The following LAMB4 variants were observed in gnomAD, a reference collection of about 807,000 sequenced individuals.
LAMB4 encodes the protein laminin subunit beta-4.
LAMB4 carries 196 observed loss-of-function variants against 199.2 expected under a neutral mutation model. The ratio of observed to expected loss-of-function variants is 0.98; its 90% CI spans 0.88 to 1.11. The LOEUF (loss-of-function observed/expected upper bound fraction) is 1.11, where lower values mean the gene tolerates loss of function less well. Among genes scored for constraint, LAMB4 ranks in the 50% least tolerant of loss-of-function variants. The pLI, the probability that LAMB4 is intolerant of heterozygous loss-of-function variation, is 0.00. For synonymous variants in LAMB4, 744 were observed against 770.6 expected (o/e 0.97, Z 0.57); for missense variants, 2,080 against 2,171.2 (o/e 0.96, Z 0.83).
chr7:108,029,876 T>G (rs1453846750), intron 32 of LAMB4, among the ~76,000 whole-genome samples: 1 of 152,116 alleles, frequency 6.6e-6, no homozygotes, highest in East Asian at 1.9e-4. Context: ...TCCCAGCACT[T>G]TAGGAGGCCG....
intron 29 of LAMB4, among the ~76,000 whole-genome samples, chr7:108,042,423 AG>A (rs2035450289): frequency 6.6e-6 from 1 of 151,630 alleles, no homozygotes; most frequent in African/African-American, 2.4e-5. Flanking sequence ...CTAGATAGAA[AG>A]GAGGTCATGT....
At chr7:108,100,163 A>G (rs2037767292) in intron 10 of LAMB4, among the ~76,000 whole-genome samples, 1 of 152,214 alleles carries the variant, frequency 6.6e-6, no homozygotes, top group African/African-American at 2.4e-5. Context: ...GTTCTTTGAA[A>G]TAGCCTTATG....
chr7:108,040,786 A>C (rs1435737278), intron 29 of LAMB4, among the ~76,000 whole-genome samples: 1 of 152,216 alleles, frequency 6.6e-6, no homozygotes, highest in Non-Finnish European at 1.5e-5. Context: ...CTAAAATGTA[A>C]AACCCAAAAG....
At chr7:108,025,408 TCTTTC>T (rs1471875109) in intron 33 of LAMB4, among the ~76,000 whole-genome samples, 1 of 128,282 alleles carries the variant, frequency 7.8e-6, no homozygotes, top group Non-Finnish European at 1.5e-5. Context: ...TTTCTTTCTT[TCTTTC>T]TTTCTTCTTT....
At chr7:108,020,252 T>A (rs903920779), downstream of LAMB4, among the ~76,000 whole-genome samples, 29 of 151,978 alleles carry the variant, frequency 1.9e-4, no homozygotes, top group African/African-American at 6.5e-4. Context: ...GGTGGGCAGA[T>A]CACAAGGTCA....
At chr7:108,096,974 T>A (rs909805717) in intron 11 of LAMB4, among the ~76,000 whole-genome samples, 3 of 131,514 alleles carry the variant, frequency 2.3e-5, no homozygotes, top group Non-Finnish European at 3.2e-5. Flanking sequence ...AAAAAAAAAT[T>A]TAAAGCTGGT....
At chr7:108,123,920 T>C (rs1338322951) in intron 1 of LAMB4, among the ~76,000 whole-genome samples, 1 of 152,166 alleles carries the variant, frequency 6.6e-6, no homozygotes, top group Non-Finnish European at 1.5e-5. Flanking sequence ...CTTCCCTCCA[T>C]CCCCAAGTTA....
At chr7:108,058,091 A>G (rs947312316) in intron 23 of LAMB4, among the ~76,000 whole-genome samples, 163 bp from the exon 24 acceptor site, 1 of 152,240 alleles carries the variant, frequency 6.6e-6, no homozygotes, top group Non-Finnish European at 1.5e-5. Context: ...GACAATACCA[A>G]GGATCAGGAG....
chr7:108,037,422 C>G lies in LAMB4; in HGVS notation c.4645G>C (p.Ala1549Pro). The G allele has an allele frequency of 6.2e-7, 1 of 1,614,174 alleles. No homozygotes were observed. The highest frequency in any genetic ancestry group is 1.7e-5 in the Admixed American group (1 of 60,014). The change falls in exon 30 of 34, where the codon GCC becomes CCC. Residue 1549 changes from alanine (A) to proline (P), a missense_variant. By Grantham distance (27) the Ala-to-Pro change is conservative. Transcript: ENST00000388781. Reference sequence around the variant, plus strand: ...TTGGCCTTCACCAAAAGCTTTTGGGCTCCATCTGCTTCTTCATTTAACCTG... The same window carrying G: ...TTGGCCTTCACCAAAAGCTTTTGGGGTCCATCTGCTTCTTCATTTAACCTG... ...ENRLNEEADG[A>P]QKLLVKAKAA...
chr7:108,104,118 G>T (rs143458113), intron 9 of LAMB4, among the ~76,000 whole-genome samples: 2 of 152,170 alleles, frequency 1.3e-5, no homozygotes, highest in African/African-American at 2.4e-5. Flanking sequence ...TGGGTTTAAG[G>T]TCACGTTCAT....
At chr7:108,106,635 T>TG in intron 6 of LAMB4, 63 bp from the exon 7 acceptor site, 2 of 929,926 alleles carry the variant, frequency 2.2e-6, no homozygotes, top group Non-Finnish European at 3.3e-6. Context: ...TCAAACACAC[T>TG]CTTTTTTTTT....
chr7:108,045,879 T>A (rs987687491), intron 28 of LAMB4, among the ~76,000 whole-genome samples: 1 of 152,116 alleles, frequency 6.6e-6, no homozygotes, highest in Non-Finnish European at 1.5e-5. Flanking sequence ...TATGTAGGGA[T>A]ATGTTCCAGA....
chr7:108,049,950 A>C lies in LAMB4; in HGVS notation c.3917-419T>G, dbSNP rs118135847. 1.9e-4 allele frequency among the ~76,000 whole-genome samples: 29 copies of C among 152,366 alleles called. No individual in the cohort carries two copies. The East Asian group carries it at 5.6e-3, about 29-fold the overall frequency. On this transcript the variant is annotated intron_variant, in intron 26 of 33. Coordinates refer to ENST00000388781, the MANE Select transcript of LAMB4 (RefSeq NM_007356.3). The stretch of plus-strand genomic sequence containing the variant: ...ACTATGAATACCTATATACACTCAA[A>C]TATAATAAACCAACTAAATTTACTT...
At position 108,024,059 on chromosome 7, in the gene LAMB4, A is replaced by AT. The variant is rs568834649; in HGVS notation, c.5265dup (p.Tyr1756IlefsTer3). 1.1e-5 allele frequency: 17 copies of AT among 1,607,446 alleles called. No individual in the cohort carries two copies. The highest frequency in any genetic ancestry group is 2.2e-5 in the East Asian group (1 of 44,580). On this transcript the variant is annotated frameshift_variant, in exon 34 of 34. Transcript: ENST00000388781. LOFTEE classifies it high-confidence loss of function. ...TCTGCCTAGCTATAGCACCTAGCAT[A>AT]TTTTTTTTCTTGTTCAACAATTTCA...
chr7:108,128,132 G>C (rs1361884646), intron 1 of LAMB4, among the ~76,000 whole-genome samples: 2 of 152,264 alleles, frequency 1.3e-5, no homozygotes, highest in Non-Finnish European at 2.9e-5. Context: ...GAGGTTGTTA[G>C]AGGGAGGGTG....
intron 25 of LAMB4, among the ~76,000 whole-genome samples, chr7:108,053,606 G>A (rs1563050130): frequency 6.6e-6 from 1 of 152,190 alleles, no homozygotes; most frequent in African/African-American, 2.4e-5. Flanking sequence ...AGGTGGGCTA[G>A]GAGGGAACAG....
chr7:108,096,173 C>T lies in LAMB4; in HGVS notation c.1361-836G>A, dbSNP rs184618415. 1.4e-3 allele frequency among the ~76,000 whole-genome samples: 209 copies of T among 152,274 alleles called. 2 individuals carry two copies. The highest frequency in any genetic ancestry group is 0.012 in the Admixed American group (176 of 15,302). Reference sequence around the variant, plus strand: ...TATAATAACTCCCCACTCCTTCTCCCCTCTAATCCCTAGCAACCACCGTGC... The same window carrying T: ...TATAATAACTCCCCACTCCTTCTCCTCTCTAATCCCTAGCAACCACCGTGC... On this transcript the variant is annotated intron_variant, in intron 11 of 33. Transcript: ENST00000388781.
intron 16 of LAMB4, among the ~76,000 whole-genome samples, chr7:108,077,395 C>A (rs1363042744): frequency 1.3e-5 from 2 of 150,568 alleles, no homozygotes; most frequent in East Asian, 3.9e-4. Flanking sequence ...CAAAAAATCT[C>A]AAAAAAAAAA....
At chr7:108,054,437 T>A (rs551137086) in intron 25 of LAMB4, among the ~76,000 whole-genome samples, 4 of 152,300 alleles carry the variant, frequency 2.6e-5, no homozygotes, top group South Asian at 4.1e-4. Context: ...TCCCTATAGA[T>A]AATGAGTTAC....
Sources: gnomAD v4.1 joint callset for allele counts (sites outside exome capture counted in the v4.1 genomes callset) on GRCh38, gnomAD v4.1.1 for gene constraint, MANE v1.5 for transcripts, NCBI Gene and HGNC (gene_info 2026-07-23, HGNC 2026-07-21) for gene names.